KCND2: variants seen among roughly 807,000 people sequenced by gnomAD.
The protein encoded by KCND2 is A-type voltage-gated potassium channel KCND2.
In KCND2, 16 loss-of-function variants were observed where a neutral mutation model predicts 54.4. The ratio of observed to expected loss-of-function variants is 0.29; its 90% CI spans 0.20 to 0.45. The LOEUF (loss-of-function observed/expected upper bound fraction) is 0.45. KCND2 is among the 20% of genes least tolerant of loss of function. The pLI, the probability that KCND2 is intolerant of heterozygous loss-of-function variation, is 1.00. For synonymous variants in KCND2, 317 were observed against 310.7 expected, an observed-to-expected ratio of 1.02 and a Z score of -0.21; for missense variants, 486 against 824.2, an observed-to-expected ratio of 0.59 and a Z score of 5.02.
intron 1 of KCND2, among the ~76,000 whole-genome samples, chr7:120,592,576 A>C (rs1215804191): frequency 6.6e-6 from 1 of 152,204 alleles, no homozygotes; most frequent in Non-Finnish European, 1.5e-5. Flanking sequence ...CTATCAGTCT[A>C]TCAATTAATT....
intron 1 of KCND2, among the ~76,000 whole-genome samples, chr7:120,328,804 A>T (rs1800020293): frequency 6.6e-6 from 1 of 152,122 alleles, no homozygotes; most frequent in East Asian, 1.9e-4. Context: ...TGTCTTAGTT[A>T]TATATTCTTG....
chr7:120,317,991 C>T (rs1347246786), intron 1 of KCND2, among the ~76,000 whole-genome samples: 3 of 152,140 alleles, frequency 2.0e-5, no homozygotes, highest in South Asian at 2.1e-4. Context: ...TCATTAAGCA[C>T]CTGCTGTGTA....
intron 1 of KCND2, among the ~76,000 whole-genome samples, chr7:120,639,314 ACTT>A: frequency 6.6e-6 from 1 of 152,290 alleles, no homozygotes; most frequent in Non-Finnish European, 1.5e-5. Context: ...AACTTAGGAA[ACTT>A]CTTTCAATAT....
chr7:120,389,143 G>A (rs911354996), intron 1 of KCND2, among the ~76,000 whole-genome samples: 7 of 151,686 alleles, frequency 4.6e-5, no homozygotes, highest in Admixed American at 3.3e-4. Flanking sequence ...AAAAAAAGAT[G>A]AGAAAATGAT....
intron 1 of KCND2, among the ~76,000 whole-genome samples, chr7:120,453,567 C>T (rs1040244901): frequency 6.6e-6 from 1 of 152,204 alleles, no homozygotes. Flanking sequence ...ATACCAAACA[C>T]ATGCTCAGAC....
At chr7:120,346,883 A>G (rs1800326449) in intron 1 of KCND2, among the ~76,000 whole-genome samples, 1 of 152,222 alleles carries the variant, frequency 6.6e-6, no homozygotes, top group African/African-American at 2.4e-5. Flanking sequence ...TCATTTTTGT[A>G]GCACATACTA....
chr7:120,316,455 C>G (rs1290342823), intron 1 of KCND2, among the ~76,000 whole-genome samples: 3 of 152,188 alleles, frequency 2.0e-5, no homozygotes, highest in Non-Finnish European at 2.9e-5. Context: ...AATCAAAACT[C>G]ATTTGTGAAA....
intron 1 of KCND2, among the ~76,000 whole-genome samples, chr7:120,511,188 T>C (rs543993933): frequency 6.6e-6 from 1 of 152,170 alleles, no homozygotes; most frequent in African/African-American, 2.4e-5. Context: ...CATGGTTCAC[T>C]CTCACTTCCT....
In KCND2 at chr7:120,498,699, C is replaced by T. The variant is rs546958380; in HGVS notation, c.1115+222952C>T. Among the ~76,000 whole-genome samples, 7 of 152,144 alleles carry T rather than the reference C, an allele frequency of 4.6e-5. No homozygotes were observed. In the East Asian group the frequency reaches 1.2e-3, roughly 25 times the overall value. On this transcript the variant is annotated intron_variant, in intron 1 of 5. Transcript: ENST00000331113. ...CTGAGGCATGAGAATCGCTTGAACCCAGGAGGCAGAGGTTGCAGTAAGCCA... is the reference window on the plus strand; with the variant it reads ...CTGAGGCATGAGAATCGCTTGAACCTAGGAGGCAGAGGTTGCAGTAAGCCA...
chr7:120,424,441 A>C (rs1801671920), intron 1 of KCND2, among the ~76,000 whole-genome samples: 1 of 152,230 alleles, frequency 6.6e-6, no homozygotes, highest in African/African-American at 2.4e-5. Flanking sequence ...TGCAACAACT[A>C]ATTAAGATGG....
chr7:120,539,818 T>C (rs1382536533), intron 1 of KCND2, among the ~76,000 whole-genome samples: 1 of 152,124 alleles, frequency 6.6e-6, no homozygotes, highest in East Asian at 1.9e-4. Context: ...ACAGTATTAT[T>C]CTCATGTGAT....
chr7:120,437,024 CCTCTT>C (rs1255991387), intron 1 of KCND2, among the ~76,000 whole-genome samples: 1 of 152,070 alleles, frequency 6.6e-6, no homozygotes, highest in Admixed American at 6.6e-5. Context: ...TCATTTTCTT[CCTCTT>C]CTCAGCCTAT....
chr7:120,621,276 C>CAAAAAAAAAAAAAAAAAAA (rs1175736454), intron 1 of KCND2, among the ~76,000 whole-genome samples: 4 of 47,204 alleles, frequency 8.5e-5, no homozygotes, highest in African/African-American at 2.8e-4. Flanking sequence ...GACTCCGTCT[C>CAAAAAAAAAAAAAAAAAAA]AAAAAAAAAA....
intron 1 of KCND2, among the ~76,000 whole-genome samples, chr7:120,439,211 T>C (rs999398953): frequency 2.0e-5 from 3 of 152,018 alleles, no homozygotes; most frequent in Non-Finnish European, 4.4e-5. Context: ...TAAATTAGAA[T>C]TTTTTTAGGC....
At chr7:120,715,289 T>C (rs1792589692) in intron 1 of KCND2, among the ~76,000 whole-genome samples, 2 of 152,192 alleles carry the variant, frequency 1.3e-5, no homozygotes, top group South Asian at 2.1e-4. Context: ...TGTGTAACCA[T>C]GTAAGGTAAG....
Position 120,479,796 on chromosome 7 carries a change from CAAAAAA to C in KCND2, c.1115+204067_1115+204072del, listed in dbSNP as rs771337674. 2.8e-4 allele frequency among the ~76,000 whole-genome samples: 21 copies of C among 75,604 alleles called. No homozygotes were observed. The South Asian group carries it at 4.7e-3, about 17-fold the overall frequency. The allele number at this position is 75,604 out of a possible 152,430, so 49.6% of individuals were successfully genotyped here. Reference sequence around the variant, plus strand: ...TATATATATAAACTATACACACACACAAAAAAAAAAAAAAAAAAAAAAATTAGCCTG... The same window carrying C: ...TATATATATAAACTATACACACACACAAAAAAAAAAAAAAAAATTAGCCTG... On this transcript the variant is annotated intron_variant, in intron 1 of 5. Coordinates refer to ENST00000331113, the MANE Select transcript of KCND2 (RefSeq NM_012281.3).
chr7:120,698,480 G>T (rs1414814666), intron 1 of KCND2, among the ~76,000 whole-genome samples: 1 of 152,192 alleles, frequency 6.6e-6, no homozygotes, highest in Non-Finnish European at 1.5e-5. Context: ...AGGATTAAAT[G>T]AGATGATACA....
chr7:120,738,871 T>A (rs573701827), intron 2 of KCND2, among the ~76,000 whole-genome samples: 1 of 152,056 alleles, frequency 6.6e-6, no homozygotes, highest in Non-Finnish European at 1.5e-5. Context: ...TCATGAAGGC[T>A]AGCATTCAAC....
In KCND2 at chr7:120,728,688, T is replaced by A. The variant is rs148180801; in HGVS notation, c.1116-4215T>A. On this transcript the variant is annotated intron_variant, in intron 1 of 5. Coordinates refer to ENST00000331113, the MANE Select transcript of KCND2 (RefSeq NM_012281.3). ...TCTTATTAAATACAGAAAAAATATA[T>A]ATATGAATATAAACCCCACATTATG... Among the ~76,000 whole-genome samples, 1,190 of 152,218 alleles carry A rather than the reference T, an allele frequency of 7.8e-3. 7 individuals carry two copies. The highest frequency in any genetic ancestry group is 0.014 in the Non-Finnish European group (939 of 68,006).
Sources: gnomAD v4.1 joint callset for allele counts (sites outside exome capture counted in the v4.1 genomes callset) on GRCh38, gnomAD v4.1.1 for gene constraint, MANE v1.5 for transcripts, NCBI Gene and HGNC (gene_info 2026-07-23, HGNC 2026-07-21) for gene names.